The following PPOX variants were observed in gnomAD, a reference collection of about 807,000 sequenced individuals.
PPOX encodes the protein variegate porphyria.
A neutral mutation model predicts 54.1 loss-of-function variants in PPOX; 23 were observed. The ratio of observed to expected loss-of-function variants is 0.43; its 90% CI spans 0.31 to 0.60. The LOEUF (loss-of-function observed/expected upper bound fraction) is 0.60, where lower values mean the gene tolerates loss of function less well. Among genes scored for constraint, PPOX ranks in the 20% least tolerant of loss-of-function variants. The pLI is 0.13. For missense variants in PPOX, 512 were observed against 601.1 expected, an observed-to-expected ratio of 0.85 and a Z score of 1.55; for synonymous variants, 224 against 236.1, an observed-to-expected ratio of 0.95 and a Z score of 0.47.
At position 161,166,925 on chromosome 1, in the gene PPOX, C is replaced by T. The variant is rs762280759; in HGVS notation, c.78C>T (p.Cys26=). 7.4e-6 allele frequency: 12 copies of T among 1,613,736 alleles called. No individual in the cohort carries two copies. The highest frequency in any genetic ancestry group is 8.5e-6 in the Non-Finnish European group (10 of 1,180,026). Reference sequence around the variant, plus strand: ...GTTACCACCTGAGCCGGGCCCCCTGCCCCCCTAAGGTGAGTGCTCCACTTG... The same window carrying T: ...GTTACCACCTGAGCCGGGCCCCCTGTCCCCCTAAGGTGAGTGCTCCACTTG... The part of the protein sequence containing the change: ...AASYHLSRAP[C]PPKVVLVESS... The change falls in exon 2 of 13, where the codon TGC becomes TGT. Residue 26 remains cysteine, a synonymous_variant. Coordinates refer to ENST00000367999, the MANE Select transcript of PPOX (RefSeq NM_001122764.3).
chr1:161,171,147 A>G lies in PPOX; in HGVS notation c.1405A>G (p.Ser469Gly), dbSNP rs1368107635. 2.5e-6 allele frequency: 4 copies of G among 1,613,466 alleles called. No individual in the cohort carries two copies. Among genetic ancestry groups the G allele is most frequent in the South Asian group, 2.2e-5 (2 of 91,064 alleles). ...AGAGAGTGGGCGCCAGGCAGCAGTC[A>G]GTGTCCTGGGCACAGAACCTAACAG... ...CIESGRQAAV[S>G]VLGTEPNS The change falls in exon 13 of 13, where the codon AGT becomes GGT. Residue 469 changes from serine (S) to glycine (G), a missense_variant. Coordinates refer to ENST00000367999, the MANE Select transcript of PPOX (RefSeq NM_001122764.3).
chr1:161,169,431 T>C (rs926566558), intron 7 of PPOX: 1 of 687,696 alleles, frequency 1.5e-6, no homozygotes, highest in Non-Finnish European at 2.5e-6. Flanking sequence ...CCAGCTTCAC[T>C]GAACATTTCA....
Position 161,166,825 on chromosome 1 carries a change from C to T in PPOX, c.-8-15C>T. On this transcript the variant is annotated splice_polypyrimidine_tract_variant and intron_variant, in intron 1 of 12. Coordinates refer to ENST00000367999, the MANE Select transcript of PPOX (RefSeq NM_001122764.3). Reference sequence around the variant, plus strand: ...GTCCCCGGTCTGCCTGTCCATATCGCCCCCTTTCCCCCAGGTTTCCGCATG... The same window carrying T: ...GTCCCCGGTCTGCCTGTCCATATCGTCCCCTTTCCCCCAGGTTTCCGCATG... The T allele has an allele frequency of 6.2e-7, 1 of 1,612,086 alleles. No individual in the cohort carries two copies. Among genetic ancestry groups the T allele is most frequent in the Non-Finnish European group, 8.5e-7 (1 of 1,179,898 alleles).
At chr1:161,172,976 G>A (rs1465930021), downstream of PPOX, among the ~76,000 whole-genome samples, 1 of 152,024 alleles carries the variant, frequency 6.6e-6, no homozygotes, top group Non-Finnish European at 1.5e-5. Context: ...ATGGAGTGCA[G>A]ATGGCCTGGG....
chr1:161,170,899 C>T lies in PPOX; in HGVS notation c.1249-8C>T. The stretch of plus-strand genomic sequence containing the variant: ...AACTTTTCCCTGCATCCTCTCCTCT[C>T]TTCTCAGAACTGCATTCCCCAGTAT... On this transcript the variant is annotated splice_region_variant and splice_polypyrimidine_tract_variant and intron_variant, in intron 11 of 12. Coordinates refer to ENST00000367999, the MANE Select transcript of PPOX (RefSeq NM_001122764.3). 1 of 1,614,132 alleles carries T rather than the reference C, an allele frequency of 6.2e-7. No individual in the cohort carries two copies. Among genetic ancestry groups the T allele is most frequent in the Non-Finnish European group, 8.5e-7 (1 of 1,180,040 alleles).
At chr1:161,170,116 G>A in intron 9 of PPOX, 92 bp downstream of exon 9, 1 of 1,459,222 alleles carries the variant, frequency 6.9e-7, no homozygotes, top group Non-Finnish European at 9.3e-7. Flanking sequence ...AACAAGGTCA[G>A]GAGTTCGAGA....
Position 161,171,210 on chromosome 1 carries a change from T to A in PPOX, c.*34T>A, listed in dbSNP as rs749811954. 7 of 1,612,394 alleles carry A rather than the reference T, an allele frequency of 4.3e-6. No individual in the cohort carries two copies. In the South Asian group the frequency reaches 6.6e-5, roughly 15 times the overall value. On this transcript the variant is annotated 3_prime_UTR_variant, in exon 13 of 13. Transcript: ENST00000367999. The stretch of plus-strand genomic sequence containing the variant: ...TCTCATTCATGAAAATAAAAATTGC[T>A]GGAGCTTGGCTTGGTCTGGCTGTTC...
At chr1:161,171,644 G>A (rs1476505641), downstream of PPOX, 1 of 875,942 alleles carries the variant, frequency 1.1e-6, no homozygotes, top group Non-Finnish European at 1.7e-6. Context: ...GGACCCCTCA[G>A]GTCTACAGGA....
downstream of PPOX, chr1:161,171,946 G>A: frequency 6.2e-7 from 1 of 1,614,162 alleles, no homozygotes; most frequent in Non-Finnish European, 8.5e-7. Flanking sequence ...CCCAGAAGGA[G>A]CCCGAGGACC....
intron 1 of PPOX, 70 bp downstream of exon 1, chr1:161,166,742 A>G: frequency 6.4e-7 from 1 of 1,568,454 alleles, no homozygotes; most frequent in Non-Finnish European, 8.6e-7. Flanking sequence ...AGTTTCCCCT[A>G]AAGCAGTGAG....
Position 161,169,669 on chromosome 1 carries a change from A to C in PPOX, c.817A>C (p.Arg273=). 6.2e-7 allele frequency: 1 copy of C among 1,614,140 alleles called. No individual in the cohort carries two copies. Among genetic ancestry groups the C allele is most frequent in the Non-Finnish European group, 8.5e-7 (1 of 1,179,984 alleles). Residue 273 remains arginine (R), a synonymous_variant, in exon 8 of 13, where the codon AGG becomes CGG. Transcript: ENST00000367999. The part of the protein sequence containing the change: ...QAEGRWKVSL[R]DSSLEADHVI... Reference sequence around the variant, plus strand: ...GTTTTCATGCTCTCAGGTATCTCTAAGGGACAGCAGTCTGGAGGCTGACCA... The same window carrying C: ...GTTTTCATGCTCTCAGGTATCTCTACGGGACAGCAGTCTGGAGGCTGACCA...
downstream of PPOX, among the ~76,000 whole-genome samples, chr1:161,173,278 T>C (rs1662160996): frequency 6.6e-6 from 1 of 152,140 alleles, no homozygotes; most frequent in African/African-American, 2.4e-5. Flanking sequence ...CCTAACCCCA[T>C]AGGAAGTGGC....
At position 161,168,525 on chromosome 1, in the gene PPOX, C is replaced by T. The variant is rs956668146; in HGVS notation, c.565C>T (p.Gln189Ter). 3.1e-6 allele frequency: 5 copies of T among 1,614,068 alleles called. No individual in the cohort carries two copies. Among genetic ancestry groups the T allele is most frequent in the Non-Finnish European group, 4.2e-6 (5 of 1,180,038 alleles). ...SIRSCFPSLF[Q>*]AEQTHRSILL... is the part of the protein sequence containing the mutation. ...CAGGTCCTGCTTTCCCAGTCTCTTC[C>T]AAGCTGAGCAAACCCATCGTTCCAT... Residue 189 changes from glutamine to a stop codon, truncating the protein, a stop_gained, in exon 6 of 13, where the codon CAA becomes TAA. Coordinates refer to ENST00000367999, the MANE Select transcript of PPOX (RefSeq NM_001122764.3). LOFTEE classifies it high-confidence loss of function.
At chr1:161,167,677 G>GGGGT in intron 4 of PPOX, 191 bp downstream of exon 4, 1 of 832,274 alleles carries the variant, frequency 1.2e-6, no homozygotes, top group Non-Finnish European at 1.8e-6. Context: ...CGATTCTCCT[G>GGGGT]CCTCAGCCTC....
rs1337748027 is a variant in PPOX at position 161,168,019 on chromosome 1, C to A, written c.363C>A (p.Pro121=). ...GLRGLLRPSP[P]FSKPLFWAGL... is the part of the protein sequence containing the mutation. ...GGGGGCTACTCCGCCCTTCACCCCC[C>A]TTCTCCAAACCTCTGTTTTGGGCTG... Residue 121 remains proline (P), a synonymous_variant, in exon 5 of 13, where the codon CCC becomes CCA. Coordinates refer to ENST00000367999, the MANE Select transcript of PPOX (RefSeq NM_001122764.3). 1 of 1,614,088 alleles carries A rather than the reference C, an allele frequency of 6.2e-7. No individual in the cohort carries two copies. Among genetic ancestry groups the A allele is most frequent in the Non-Finnish European group, 8.5e-7 (1 of 1,180,044 alleles).
chr1:161,171,289 G>A (rs1347388843), downstream of PPOX: 14 of 1,549,420 alleles, frequency 9.0e-6, no homozygotes, highest in African/African-American at 2.7e-5. Flanking sequence ...GTGTGCCTGG[G>A]ATGCAGAAAG....
chr1:161,170,818 C>T (rs974556858), intron 11 of PPOX, 49 bp downstream of exon 11: 4 of 1,614,012 alleles, frequency 2.5e-6, no homozygotes, highest in Middle Eastern at 1.6e-4. Context: ...GCCTTGAAGA[C>T]AGAGACTGGA....
At chr1:161,167,903 A>C (rs1307573477) in intron 4 of PPOX, 92 bp from the exon 5 acceptor site, 2 of 1,595,310 alleles carry the variant, frequency 1.3e-6, no homozygotes, top group Non-Finnish European at 1.7e-6. Flanking sequence ...CTTCCCAGCA[A>C]AAGGAAGCCA....
intron 9 of PPOX, 169 bp downstream of exon 9, chr1:161,170,193 C>T (rs541009485): frequency 3.2e-6 from 3 of 928,382 alleles, no homozygotes; most frequent in African/African-American, 1.6e-5. Context: ...GGTGTGGTGG[C>T]TTGCACCTGT....
Sources: gnomAD v4.1 joint callset for allele counts (sites outside exome capture counted in the v4.1 genomes callset) on GRCh38, gnomAD v4.1.1 for gene constraint, MANE v1.5 for transcripts, NCBI Gene and HGNC (gene_info 2026-07-23, HGNC 2026-07-21) for gene names.